The following DNASE2 variants were observed in gnomAD, a reference collection of about 807,000 sequenced individuals.
The protein encoded by DNASE2 is deoxyribonuclease-2-alpha.
A neutral mutation model predicts 29.8 loss-of-function variants in DNASE2; 26 were observed. That is an observed-to-expected ratio of 0.87 (90% CI 0.64 to 1.21). The LOEUF (loss-of-function observed/expected upper bound fraction) is 1.21, where lower values mean the gene tolerates loss of function less well. DNASE2 is among the 50% of genes most tolerant of loss of function. DNASE2 has a pLI of 0.00. For synonymous variants in DNASE2, 186 were observed against 193.5 expected (o/e 0.96, Z 0.32); for missense variants, 415 against 455.6 (o/e 0.91, Z 0.81).
chr19:12,877,241 TTAAC>T (rs1303437460), intron 5 of DNASE2, among the ~76,000 whole-genome samples: 4 of 152,050 alleles, frequency 2.6e-5, no homozygotes, highest in African/African-American at 9.7e-5. Flanking sequence ...TTTTAATTAA[TTAAC>T]TTATTTATTT....
intron 5 of DNASE2, 98 bp from the exon 6 acceptor site, chr19:12,876,461 T>TTC: frequency 1.7e-6 from 1 of 592,228 alleles, no homozygotes. Flanking sequence ...CATATTTCCT[T>TTC]TTTTTTTTTT....
chr19:12,878,210 T>C, intron 5 of DNASE2, 172 bp downstream of exon 5: 2 of 783,446 alleles, frequency 2.6e-6, no homozygotes, highest in Non-Finnish European at 4.3e-6. Context: ...TCAGGTGAAG[T>C]TATACATCAC....
At chr19:12,880,423 G>A (rs1054202089) in intron 3 of DNASE2, among the ~76,000 whole-genome samples, 2 of 152,000 alleles carry the variant, frequency 1.3e-5, no homozygotes, top group African/African-American at 2.4e-5. Context: ...AGGCCAAGGC[G>A]GGTAGATCAC....
Position 12,876,078 on chromosome 19 carries a change from G to A in DNASE2, c.995C>T (p.Ala332Val). Residue 332 changes from alanine (A) to valine (V), a missense_variant, in exon 6 of 6, where the codon GCC becomes GTC. By Grantham distance (64) the Ala-to-Val change is moderately conservative. Transcript: ENST00000222219. ...CAGCGGCTGGAAGGCTTTCCAGAGG[G>A]CTGGCAGCTGGGCACACAGTGTGCC... ...GGGTLCAQLP[A>V]LWKAFQPLVK... 1 of 1,613,926 alleles carries A rather than the reference G, an allele frequency of 6.2e-7. No individual in the cohort carries two copies. Among genetic ancestry groups the A allele is most frequent in the Non-Finnish European group, 8.5e-7 (1 of 1,179,992 alleles).
In DNASE2 at chr19:12,881,005, G is replaced by A; in HGVS notation, c.234C>T (p.Ser78=). 6.2e-7 allele frequency: 1 copy of A among 1,614,012 alleles called. No homozygotes were observed. The highest frequency in any genetic ancestry group is 8.5e-7 in the Non-Finnish European group (1 of 1,180,010). The change falls in exon 2 of 6, where the codon AGC becomes AGT. Residue 78 remains serine, a synonymous_variant. Transcript: ENST00000222219. ...INSPEGAVGR[S]LQPLYRSNTS... is the part of the protein sequence containing the mutation. ...TGTTGCTCCGGTACAGCGGCTGCAG[G>A]CTTCGGCCCACGGCCCCCTCCGGGC...
Position 12,881,340 on chromosome 19 carries a change from GA to G in DNASE2, c.35del (p.Val12AlafsTer6). ...IPLLLAALLCVPAGALTCYGD... is the reference protein window; with the variant it reads ...IPLLLAALLCXPAGALTCYGD... ...CGTAGCAGGTCAGGGCCCCGGCGGG[GA>G]CGCACAGCAGCGCTGCCAGCAGCAG... On this transcript the variant is annotated frameshift_variant, in exon 1 of 6. Coordinates refer to ENST00000222219, the MANE Select transcript of DNASE2 (RefSeq NM_001375.3). LOFTEE classifies it high-confidence loss of function. 6.4e-7 allele frequency: 1 copy of G among 1,568,424 alleles called. No homozygotes were observed. The highest frequency in any genetic ancestry group is 8.6e-7 in the Non-Finnish European group (1 of 1,157,736).
chr19:12,878,394 T>C lies in DNASE2; in HGVS notation c.697A>G (p.Lys233Glu). ...CCTTGAGACTCACCATCTCCAAATT[T>C]GCTGAACTTGGCAAAGCTCTGGAAA... Reference protein sequence around the residue: ...AVFQSFAKFSKFGDDLYSGWL... With the variant: ...AVFQSFAKFSEFGDDLYSGWL... Residue 233 changes from lysine to glutamate, a missense_variant, in exon 5 of 6, where the codon AAA (lysine) becomes GAA (glutamate). Coordinates refer to ENST00000222219, the MANE Select transcript of DNASE2 (RefSeq NM_001375.3). 6.2e-7 allele frequency: 1 copy of C among 1,612,638 alleles called. No homozygotes were observed. The highest frequency in any genetic ancestry group is 8.5e-7 in the Non-Finnish European group (1 of 1,180,020).
rs771626024 is a variant in DNASE2 at position 12,878,847 on chromosome 19, A to G, written c.347-13T>C. 1 of 1,610,652 alleles carries G rather than the reference A, an allele frequency of 6.2e-7. No individual in the cohort carries two copies. The highest frequency in any genetic ancestry group is 8.5e-7 in the Non-Finnish European group (1 of 1,178,910). On this transcript the variant is annotated splice_polypyrimidine_tract_variant and intron_variant, in intron 3 of 5. Coordinates refer to ENST00000222219, the MANE Select transcript of DNASE2 (RefSeq NM_001375.3). Reference sequence around the variant, plus strand: ...AGGAGCAGGACACCTGGACCAAAAGAAGGCATTAGGGGAGGTCGGGCGCAG... The same window carrying G: ...AGGAGCAGGACACCTGGACCAAAAGGAGGCATTAGGGGAGGTCGGGCGCAG...
In DNASE2 at chr19:12,880,860, A is replaced by G; in HGVS notation, c.288T>C (p.Asn96=). The change falls in exon 3 of 6, where the codon AAT becomes AAC. Residue 96 remains asparagine (N), a synonymous_variant. Transcript: ENST00000222219. ...NTSQLAFLLY[N]DQPPQPSKAQ... ...CCTTGCTGGGTTGAGGCGGTTGGTC[A>G]TTGTAGAGCAGGAAGGCGAGCTGCG... 1.2e-6 allele frequency: 2 copies of G among 1,614,176 alleles called. No individual in the cohort carries two copies. Among genetic ancestry groups the G allele is most frequent in the African/African-American group, 1.3e-5 (1 of 75,040 alleles).
rs558856830 is a variant in DNASE2 at position 12,878,683 on chromosome 19, C to T, written c.498G>A (p.Gln166=). ...GACTCGACTTACCCATCTTCGAGAA[C>T]TGAGCGAAGGGAAAAGACACACAGA... is the stretch of plus-strand genomic sequence containing the variant. ...TLLCVSFPFA[Q]FSKMGKQLTY... is the part of the protein sequence containing the mutation. Residue 166 remains glutamine, a synonymous_variant, in exon 4 of 6, where the codon CAG becomes CAA. Transcript: ENST00000222219. 2 of 1,614,086 alleles carry T rather than the reference C, an allele frequency of 1.2e-6. No homozygotes were observed. The highest frequency in any genetic ancestry group is 2.2e-5 in the South Asian group (2 of 91,078).
chr19:12,878,300 G>T (rs940927001), intron 5 of DNASE2, 82 bp downstream of exon 5: 1 of 1,551,194 alleles, frequency 6.4e-7, no homozygotes. Flanking sequence ...GGTCTCTACC[G>T]CTGACTTGAA....
At position 12,876,458 on chromosome 19, in the gene DNASE2, C is replaced by CCT. The variant is rs1970322272; in HGVS notation, c.710-97_710-96dup. The CCT allele has an allele frequency of 2.2e-6, 3 of 1,380,634 alleles. No homozygotes were observed. The East Asian group carries it at 7.8e-5, about 36-fold the overall frequency. 85.5% of individuals were successfully genotyped at this position (1,380,634 alleles called of 1,614,324 possible). On this transcript the variant is annotated intron_variant, in intron 5 of 5. Coordinates refer to ENST00000222219, the MANE Select transcript of DNASE2 (RefSeq NM_001375.3). ...CTCTCTCAGCTCAGTTTCCATATTT[C>CCT]CTTTTTTTTTTTTTTTTTTGACATG...
intron 3 of DNASE2, among the ~76,000 whole-genome samples, chr19:12,879,415 C>T (rs936911588): frequency 9.9e-5 from 13 of 130,890 alleles, no homozygotes; most frequent in African/African-American, 2.9e-4. Flanking sequence ...ACCCAGGAGG[C>T]GGAGGTTGCA....
intron 5 of DNASE2, 96 bp from the exon 6 acceptor site, chr19:12,876,459 C>CTTT (rs56207722): frequency 8.8e-4 from 1,110 of 1,264,866 alleles, no homozygotes; most frequent in African/African-American, 2.0e-3. Flanking sequence ...TCCATATTTC[C>CTTT]TTTTTTTTTT....
Position 12,881,154 on chromosome 19 carries a change from T to TGGAGGTC in DNASE2, c.87-9_87-3dup, listed in dbSNP as rs762366901. 6.2e-7 allele frequency: 1 copy of TGGAGGTC among 1,611,656 alleles called. No homozygotes were observed. The highest frequency in any genetic ancestry group is 1.7e-5 in the Admixed American group (1 of 60,006). The stretch of plus-strand genomic sequence containing the variant: ...GCTGGCAGCTTGTAGACCACGAACC[T>TGGAGGTC]GGAGGTCGGAGAATGCACAGAAATA... On this transcript the variant is annotated splice_region_variant and splice_polypyrimidine_tract_variant and intron_variant, in intron 1 of 5. Transcript: ENST00000222219.
intron 3 of DNASE2, 74 bp from the exon 4 acceptor site, chr19:12,878,908 C>G: frequency 6.5e-7 from 1 of 1,529,814 alleles, no homozygotes; most frequent in Non-Finnish European, 8.9e-7. Context: ...TTTGGGAGAC[C>G]GAGACACACA....
Position 12,876,062 on chromosome 19 carries a change from G to C in DNASE2, c.1011C>G (p.Phe337Leu). 6.2e-7 allele frequency: 1 copy of C among 1,614,094 alleles called. No homozygotes were observed. The highest frequency in any genetic ancestry group is 1.3e-5 in the African/African-American group (1 of 75,058). The change falls in exon 6 of 6, where the codon TTC (phenylalanine) becomes TTG (leucine). Residue 337 changes from phenylalanine to leucine, a missense_variant. Physicochemically the swap from Phe to Leu is conservative, Grantham distance 22. Transcript: ENST00000222219. ...CAQLPALWKA[F>L]QPLVKNYQPC... ...GCTGGTAGTTCTTCACCAGCGGCTG[G>C]AAGGCTTTCCAGAGGGCTGGCAGCT...
chr19:12,878,249 T>G, intron 5 of DNASE2, 133 bp downstream of exon 5: 1 of 1,167,318 alleles, frequency 8.6e-7, no homozygotes, highest in Non-Finnish European at 1.3e-6. Flanking sequence ...TGAACCCAGG[T>G]CTGTTCACTG....
rs536580605 is a variant in DNASE2 at position 12,878,787 on chromosome 19, C to T, written c.394G>A (p.Val132Ile). The T allele has an allele frequency of 2.5e-6, 4 of 1,613,858 alleles. No individual in the cohort carries two copies. The highest frequency in any genetic ancestry group is 3.4e-6 in the Non-Finnish European group (4 of 1,179,964). ...GAGGCCGGTGGAGGGAAGTTAGGTA[C>T]ACTGTGGACCAGCCAGAAGCCCCCA... ...HDGGFWLVHS[V>I]PNFPPPASSA... The change falls in exon 4 of 6, where the codon GTA becomes ATA. Residue 132 changes from valine (V) to isoleucine (I), a missense_variant. Val to Ile is a conservative substitution (Grantham distance 29). Transcript: ENST00000222219.
Sources: gnomAD v4.1 joint callset for allele counts (sites outside exome capture counted in the v4.1 genomes callset) on GRCh38, gnomAD v4.1.1 for gene constraint, MANE v1.5 for transcripts, NCBI Gene and HGNC (gene_info 2026-07-23, HGNC 2026-07-21) for gene names.